ZBTB2: variants seen among roughly 807,000 people sequenced by gnomAD.
The protein encoded by ZBTB2 is zinc finger and BTB domain containing 2, also known as zinc finger and BTB domain-containing protein 2.
ZBTB2 carries 2 observed loss-of-function variants against 39.5 expected under a neutral mutation model. That is an observed-to-expected ratio of 0.05 (90% confidence interval 0.02 to 0.16). The LOEUF (loss-of-function observed/expected upper bound fraction) is 0.16, where lower values mean the gene tolerates loss of function less well. Among genes scored for constraint, ZBTB2 ranks in the 10% least tolerant of loss-of-function variants. The probability of loss-of-function intolerance (pLI) is 1.00; values close to 1 mark genes in which losing one functional copy is unlikely to be tolerated. For synonymous variants in ZBTB2, 251 were observed against 256.6 expected, an observed-to-expected ratio of 0.98 and a Z score of 0.21; for missense variants, 391 against 653.0, an observed-to-expected ratio of 0.60 and a Z score of 4.37.
Position 151,389,678 on chromosome 6 carries a change from G to C in ZBTB2, c.-13+1742C>G, listed in dbSNP as rs567536844. 2.6e-5 allele frequency among the ~76,000 whole-genome samples: 4 copies of C among 152,324 alleles called. No individual in the cohort carries two copies. The South Asian group carries it at 8.3e-4, about 32-fold the overall frequency. On this transcript the variant is annotated intron_variant, in intron 1 of 2. Coordinates refer to ENST00000325144, the MANE Select transcript of ZBTB2 (RefSeq NM_020861.3). ...AAACTCAGTGGACCCATTGTATGATGAAAGAGCTAATGAACAATGCAGCTG... is the reference window on the plus strand; with the variant it reads ...AAACTCAGTGGACCCATTGTATGATCAAAGAGCTAATGAACAATGCAGCTG...
In ZBTB2 at chr6:151,374,550, G is replaced by A. The variant is rs545483332; in HGVS notation, c.-12-901C>T. 1.5e-3 allele frequency among the ~76,000 whole-genome samples: 235 copies of A among 151,994 alleles called. 3 individuals carry two copies. In the Middle Eastern group the frequency reaches 0.068, roughly 44 times the overall value. On this transcript the variant is annotated intron_variant, in intron 1 of 2. Coordinates refer to ENST00000325144, the MANE Select transcript of ZBTB2 (RefSeq NM_020861.3). The stretch of plus-strand genomic sequence containing the variant: ...TTTTCCACAAAGAGCATTTATAAAA[G>A]CCCATTACACACAGACCAACATTAT...
chr6:151,377,535 A>ATTTTT (rs769474299), intron 1 of ZBTB2, among the ~76,000 whole-genome samples: 2 of 103,448 alleles, frequency 1.9e-5, no homozygotes, highest in Non-Finnish European at 3.7e-5. Flanking sequence ...TGTCTGGCTA[A>ATTTTT]TTTTTTTTTT....
At chr6:151,388,953 T>C (rs1335602219) in intron 1 of ZBTB2, among the ~76,000 whole-genome samples, 1 of 152,220 alleles carries the variant, frequency 6.6e-6, no homozygotes, top group Non-Finnish European at 1.5e-5. Context: ...CACTGTAGTG[T>C]AGACTGCTCC....
intron 1 of ZBTB2, among the ~76,000 whole-genome samples, chr6:151,373,855 A>C (rs1778838339): frequency 7.0e-6 from 1 of 142,954 alleles, no homozygotes; most frequent in Non-Finnish European, 1.5e-5. Context: ...AAAAAAAAAA[A>C]AAAAAAAAAA....
intron 2 of ZBTB2, among the ~76,000 whole-genome samples, chr6:151,369,053 G>A (rs1194699878): frequency 6.6e-6 from 1 of 152,116 alleles, no homozygotes; most frequent in Non-Finnish European, 1.5e-5. Context: ...ATGAACCACC[G>A]CGCCTGGCTG....
intron 1 of ZBTB2, among the ~76,000 whole-genome samples, chr6:151,380,475 C>G (rs936374005): frequency 1.4e-4 from 22 of 152,358 alleles, no homozygotes; most frequent in African/African-American, 4.8e-4. Context: ...AATACGCCAG[C>G]TAGGGCCCTG....
At chr6:151,369,183 C>A (rs1778722318) in intron 2 of ZBTB2, among the ~76,000 whole-genome samples, 1 of 152,114 alleles carries the variant, frequency 6.6e-6, no homozygotes, top group South Asian at 2.1e-4. Flanking sequence ...TATGTACAGT[C>A]TCAGATGGCA....
chr6:151,374,768 C>T (rs1002326696), intron 1 of ZBTB2, among the ~76,000 whole-genome samples: 2 of 144,378 alleles, frequency 1.4e-5, no homozygotes, highest in African/African-American at 5.1e-5. Flanking sequence ...GCAGATGACA[C>T]GATTGTAACA....
chr6:151,366,172 A>G lies in ZBTB2; in HGVS notation c.894T>C (p.Asn298=), dbSNP rs1390056371. Residue 298 remains asparagine, a synonymous_variant, in exon 3 of 3, where the codon AAT becomes AAC. Transcript: ENST00000325144. The surrounding 1 kb of genome is among the most constrained non-coding windows in gnomAD (Gnocchi z 7.1). ...ESRVPLTLCS[N]AADLGKDAME... is the part of the protein sequence containing the mutation. ...TGGCATCTTTCCCGAGGTCAGCTGC[A>G]TTGCTACAGAGAGTCAGGGGGACGC... 1.9e-6 allele frequency: 3 copies of G among 1,614,022 alleles called. No homozygotes were observed. The highest frequency in any genetic ancestry group is 2.2e-5 in the East Asian group (1 of 44,886).
Position 151,364,820 on chromosome 6 carries a change from G to A in ZBTB2, c.*701C>T, listed in dbSNP as rs144881095. On this transcript the variant is annotated 3_prime_UTR_variant, in exon 3 of 3. Transcript: ENST00000325144. ...GAAGCCAGCAATGAGATAAGGATGT[G>A]CATTAATTCACCTGTTTATTAGCAA... 695 of 150,638 alleles carry A rather than the reference G, an allele frequency of 4.6e-3. 2 individuals are homozygous for A. The highest frequency in any genetic ancestry group is 8.4e-3 in the Non-Finnish European group (571 of 67,970). The allele number at this position is 150,638 out of a possible 1,614,324, so 9.3% of individuals were successfully genotyped here.
chr6:151,386,683 G>A (rs1779160675), intron 1 of ZBTB2, among the ~76,000 whole-genome samples: 1 of 152,144 alleles, frequency 6.6e-6, no homozygotes, highest in African/African-American at 2.4e-5. Context: ...TATAACACAG[G>A]TGAGTTTCAA....
At chr6:151,382,857 G>GA (rs1779067208) in intron 1 of ZBTB2, among the ~76,000 whole-genome samples, 1 of 151,304 alleles carries the variant, frequency 6.6e-6, no homozygotes, top group Non-Finnish European at 1.5e-5. Context: ...ACCTTGCCCT[G>GA]AAAAAATATT....
At chr6:151,384,618 T>C (rs1779112796) in intron 1 of ZBTB2, among the ~76,000 whole-genome samples, 1 of 152,170 alleles carries the variant, frequency 6.6e-6, no homozygotes, top group Non-Finnish European at 1.5e-5. Context: ...TAGATCTTGG[T>C]GCCCTCCAAC....
At chr6:151,370,109 A>T in intron 2 of ZBTB2, 1 of 976,758 alleles carries the variant, frequency 1.0e-6, no homozygotes, top group East Asian at 1.1e-4. Flanking sequence ...ACTTACATCT[A>T]AGTAGTTTCC....
Position 151,365,115 on chromosome 6 carries a change from T to C in ZBTB2, c.*406A>G, listed in dbSNP as rs1778615236. ...TGCATAGTACAGAGCCCAGCCGTAT[T>C]TCTAAGCAGCACGCTGTTATTTTCT... On this transcript the variant is annotated 3_prime_UTR_variant, in exon 3 of 3. Coordinates refer to ENST00000325144, the MANE Select transcript of ZBTB2 (RefSeq NM_020861.3). The surrounding 1 kb of genome is among the most constrained non-coding windows in gnomAD (Gnocchi z 5.6). 1 of 187,874 alleles carries C rather than the reference T, an allele frequency of 5.3e-6. No homozygotes were observed. The highest frequency in any genetic ancestry group is 2.4e-5 in the African/African-American group (1 of 41,990). 11.6% of individuals were successfully genotyped at this position (187,874 alleles called of 1,614,324 possible).
chr6:151,384,660 CG>C (rs984486870), intron 1 of ZBTB2, among the ~76,000 whole-genome samples: 5 of 151,886 alleles, frequency 3.3e-5, no homozygotes, highest in African/African-American at 1.2e-4. Flanking sequence ...AATAATTTGG[CG>C]GGAAGAGCAA....
In ZBTB2 at chr6:151,373,422, A is replaced by C. The variant is rs79492527; in HGVS notation, c.173+43T>G. The C allele has an allele frequency of 2.2e-4, 353 of 1,608,250 alleles. No individual in the cohort carries two copies. In the East Asian group the frequency reaches 5.6e-3, roughly 26 times the overall value. ...ATGAGGGCCAGGGACATGGAGGTTA[A>C]GAAGTCTACAGTCATTAGGTTATTA... is the stretch of plus-strand genomic sequence containing the variant. On this transcript the variant is annotated intron_variant, in intron 2 of 2. Transcript: ENST00000325144.
intron 2 of ZBTB2, among the ~76,000 whole-genome samples, chr6:151,368,157 C>CT (rs36008184): frequency 1.3e-5 from 2 of 151,882 alleles, no homozygotes; most frequent in African/African-American, 2.4e-5. Context: ...CTTTTCTTTT[C>CT]TTTTTTTGAG....
At chr6:151,370,096 T>G (rs1778753727) in intron 2 of ZBTB2, 1 of 977,936 alleles carries the variant, frequency 1.0e-6, no homozygotes, top group South Asian at 4.7e-5. Context: ...TTCTCTACAA[T>G]ATACTTACAT....
Sources: allele counts gnomAD v4.1 joint callset (sites outside exome capture counted in the v4.1 genomes callset), GRCh38; gene constraint gnomAD v4.1.1; non-coding constraint Gnocchi (gnomAD v3.1); transcripts MANE v1.5; gene names NCBI Gene and HGNC (gene_info 2026-07-23, HGNC 2026-07-21).